TRIOBP: variants seen among roughly 807,000 people sequenced by gnomAD.
TRIOBP encodes the protein TRIO and F-actin binding protein.
TRIOBP carries 169 observed loss-of-function variants against 238.8 expected under a neutral mutation model. The observed-to-expected ratio is 0.71, with a 90% CI of 0.62 to 0.80. The LOEUF is 0.80. TRIOBP is among the 30% of genes least tolerant of loss of function. TRIOBP has a pLI of 0.00. For missense variants in TRIOBP, 2,838 were observed against 3,122.6 expected (o/e 0.91, Z 2.17); for synonymous variants, 1,150 against 1,274.4 (o/e 0.90, Z 2.08).
intron 9 of TRIOBP, among the ~76,000 whole-genome samples, chr22:37,736,813 G>A (rs1360304499): frequency 1.3e-5 from 2 of 152,064 alleles, no homozygotes; most frequent in African/African-American, 2.4e-5. Context: ...TTTTAGTAGA[G>A]ATGGGGTTTC....
intron 3 of TRIOBP, among the ~76,000 whole-genome samples, chr22:37,705,096 C>G (rs1922864212): frequency 6.6e-6 from 1 of 150,524 alleles, no homozygotes; most frequent in Non-Finnish European, 1.5e-5. Flanking sequence ...ACAAACAGGT[C>G]AGGTGCAGTG....
intron 11 of TRIOBP, 58 bp downstream of exon 11, chr22:37,741,090 G>T (rs1275269957): frequency 1.8e-5 from 28 of 1,539,536 alleles, no homozygotes; most frequent in Non-Finnish European, 2.4e-5. Context: ...GGGGATGGGA[G>T]GGAGGAGGGG....
intron 11 of TRIOBP, among the ~76,000 whole-genome samples, chr22:37,749,796 A>AG: frequency 6.6e-6 from 1 of 151,818 alleles, no homozygotes; most frequent in East Asian, 1.9e-4. Context: ...AAAAAAAAAA[A>AG]AAAAAAAAAT....
intron 11 of TRIOBP, 148 bp downstream of exon 11, chr22:37,741,180 A>G: frequency 2.7e-6 from 3 of 1,118,266 alleles, no homozygotes; most frequent in Non-Finnish European, 3.8e-6. Flanking sequence ...GTGGGAGCAG[A>G]GCTCTTAAGC....
At chr22:37,701,560 C>A in intron 3 of TRIOBP, 81 bp downstream of exon 3, 1 of 1,006,674 alleles carries the variant, frequency 9.9e-7, no homozygotes, top group South Asian at 1.4e-5. Context: ...TCCGCTAACT[C>A]GCAGTTGAAC....
intron 5 of TRIOBP, among the ~76,000 whole-genome samples, chr22:37,714,063 G>A (rs1321379807): frequency 6.6e-6 from 1 of 152,166 alleles, no homozygotes; most frequent in Non-Finnish European, 1.5e-5. Flanking sequence ...GTGGGCTCAG[G>A]GGAGACTCAC....
At chr22:37,704,472 AGGG>A (rs1922832169) in intron 3 of TRIOBP, among the ~76,000 whole-genome samples, 1 of 109,148 alleles carries the variant, frequency 9.2e-6, no homozygotes, top group Admixed American at 1.0e-4. Flanking sequence ...GGGAAGGGGG[AGGG>A]GAAGGGGGAG....
chr22:37,774,567 C>CT lies in TRIOBP; in HGVS notation c.*789dup, dbSNP rs1349893914. The CT allele has an allele frequency of 6.6e-6, 1 of 152,272 alleles. No individual in the cohort carries two copies. The highest frequency in any genetic ancestry group is 1.9e-4 in the East Asian group (1 of 5,208). 9.4% of individuals were successfully genotyped at this position (152,272 alleles called of 1,614,324 possible). A position where few individuals can be genotyped will look rare whatever the true frequency, so the allele number is the denominator to read the frequency against. Reference sequence around the variant, plus strand: ...TGGAGATTGGGGTTTCTTGAAGTGGCTTCCCCACTCACACCCTACCCACAC... The same window carrying CT: ...TGGAGATTGGGGTTTCTTGAAGTGGCTTTCCCCACTCACACCCTACCCACAC... On this transcript the variant is annotated 3_prime_UTR_variant, in exon 24 of 24. Transcript: ENST00000644935.
chr22:37,720,816 C>A (rs1405804060), intron 6 of TRIOBP, among the ~76,000 whole-genome samples: 3 of 151,930 alleles, frequency 2.0e-5, no homozygotes, highest in Non-Finnish European at 4.4e-5. Flanking sequence ...AGGCATGAAA[C>A]GTATTTTAGA....
At chr22:37,722,182 G>A (rs1923863069) in intron 6 of TRIOBP, among the ~76,000 whole-genome samples, 4 of 114,660 alleles carry the variant, frequency 3.5e-5, no homozygotes. Context: ...AGAAGCCTCA[G>A]GGTAGGAACA....
chr22:37,708,509 C>G (rs555853080), intron 3 of TRIOBP, among the ~76,000 whole-genome samples: 8 of 152,328 alleles, frequency 5.3e-5, no homozygotes, highest in African/African-American at 1.9e-4. Context: ...CGAGACTGCA[C>G]CATTGCACTC....
chr22:37,726,529 G>A (rs997641234), intron 7 of TRIOBP, 26 bp downstream of exon 7: 3 of 1,444,630 alleles, frequency 2.1e-6, no homozygotes, highest in Admixed American at 2.7e-5. Flanking sequence ...GGGTCAGCCA[G>A]GTGGGCTGGG....
chr22:37,726,480 G>GCGCCT lies in TRIOBP; in HGVS notation c.3926_3930dup (p.Phe1311AlafsTer47). 4 of 1,536,586 alleles carry GCGCCT rather than the reference G, an allele frequency of 2.6e-6. No homozygotes were observed. Among genetic ancestry groups the GCGCCT allele is most frequent in the Non-Finnish European group, 2.6e-6 (3 of 1,147,252 alleles). ...ACAGCCCTGGCCGTGCAGAGGTGGA[G>GCGCCT]CGCCTCTTCGGGCAAGAGCGCAGGT... On this transcript the variant is annotated frameshift_variant, in exon 7 of 24. Transcript: ENST00000644935. LOFTEE classifies it high-confidence loss of function.
chr22:37,748,183 G>C (rs911262466), intron 11 of TRIOBP, among the ~76,000 whole-genome samples: 1 of 152,250 alleles, frequency 6.6e-6, no homozygotes, highest in African/African-American at 2.4e-5. Context: ...TTTTAGAGCA[G>C]AGAGGAGGCT....
Position 37,771,754 on chromosome 22 carries a change from G to T in TRIOBP, c.6936+18G>T. ...TGCAGAAGGTAGGTCCTTCCGCTGG[G>T]CTGGGGGCCGTCGGGGACTCTGGAG... On this transcript the variant is annotated intron_variant, in intron 22 of 23. Coordinates refer to ENST00000644935, the MANE Select transcript of TRIOBP (RefSeq NM_001039141.3). The T allele has an allele frequency of 6.2e-7, 1 of 1,613,090 alleles. No homozygotes were observed. Among genetic ancestry groups the T allele is most frequent in the Non-Finnish European group, 8.5e-7 (1 of 1,179,098 alleles).
chr22:37,744,634 C>G (rs372932390), intron 11 of TRIOBP, among the ~76,000 whole-genome samples: 396 of 152,216 alleles, frequency 2.6e-3, no homozygotes, highest in African/African-American at 9.0e-3. Flanking sequence ...TAGGTGAGGT[C>G]TCCTGCGTGT....
At chr22:37,738,215 G>A (rs1366350231) in intron 9 of TRIOBP, among the ~76,000 whole-genome samples, 4 of 152,186 alleles carry the variant, frequency 2.6e-5, no homozygotes, top group Non-Finnish European at 5.9e-5. Context: ...TGGATAGCTG[G>A]GTGATGAATA....
chr22:37,759,379 G>A, intron 17 of TRIOBP, 115 bp downstream of exon 17: 1 of 1,289,744 alleles, frequency 7.8e-7, no homozygotes, highest in East Asian at 2.3e-5. Flanking sequence ...CCTGTGTGGG[G>A]CATTTGACAT....
intron 17 of TRIOBP, among the ~76,000 whole-genome samples, chr22:37,763,687 A>T (rs909422816): frequency 6.6e-6 from 1 of 151,136 alleles, no homozygotes; most frequent in African/African-American, 2.4e-5. Context: ...ACACCCTCAC[A>T]CTCCTTCTGC....
Sources: gnomAD v4.1 joint callset for allele counts (sites outside exome capture counted in the v4.1 genomes callset) on GRCh38, gnomAD v4.1.1 for gene constraint, MANE v1.5 for transcripts, NCBI Gene and HGNC (gene_info 2026-07-23, HGNC 2026-07-21) for gene names.